The following BRD10 variants were observed in gnomAD, a reference collection of about 807,000 sequenced individuals.
BRD10 encodes the protein bromodomain containing 10, also known as uncharacterized bromodomain-containing protein 10.
At chr9:5,949,951 C>T in the BRD10 span, among the ~76,000 whole-genome samples, 2 of 151,976 alleles carry the variant, frequency 1.3e-5, no homozygotes, top group South Asian at 4.1e-4. Context: ...TTAACAAAGT[C>T]GTAAGTAAAT....
At chr9:5,916,673 C>A in the BRD10 span, among the ~76,000 whole-genome samples, 1 of 151,994 alleles carries the variant, frequency 6.6e-6, no homozygotes, top group Non-Finnish European at 1.5e-5. Flanking sequence ...AGTGCTAACA[C>A]ACCAGAAGGA....
chr9:5,920,635 C>T, the BRD10 span: 2 of 1,613,998 alleles, frequency 1.2e-6, no homozygotes, highest in Middle Eastern at 1.6e-4. Context: ...GTGAATGGAA[C>T]TGGAGTGAAG....
At chr9:5,955,448 C>T in the BRD10 span, among the ~76,000 whole-genome samples, 1 of 152,158 alleles carries the variant, frequency 6.6e-6, no homozygotes, top group South Asian at 2.1e-4. Flanking sequence ...AATCCTAATG[C>T]TCCTTTCCAA....
chr9:6,007,727 G>C, the BRD10 span: 18 of 1,600,708 alleles, frequency 1.1e-5, no homozygotes, highest in African/African-American at 1.5e-4. Flanking sequence ...TCGGCCGCCG[G>C]TGGCGGCCGC....
chr9:5,971,508 T>G, the BRD10 span, among the ~76,000 whole-genome samples: 1 of 152,180 alleles, frequency 6.6e-6, no homozygotes, highest in Non-Finnish European at 1.5e-5. Flanking sequence ...CAGATTGCAA[T>G]CCAGTAAGAT....
the BRD10 span, chr9:5,907,059 A>T: frequency 9.2e-7 from 1 of 1,091,560 alleles, no homozygotes; most frequent in Non-Finnish European, 1.3e-6. Context: ...TCAAGTGAAT[A>T]CAATTATTTC....
the BRD10 span, among the ~76,000 whole-genome samples, chr9:5,932,527 A>T: frequency 1.3e-5 from 2 of 152,310 alleles, no homozygotes; most frequent in East Asian, 1.9e-4. Context: ...TCACATTTAC[A>T]TTGTAGTAGA....
At chr9:5,966,011 A>C in the BRD10 span, among the ~76,000 whole-genome samples, 3 of 152,230 alleles carry the variant, frequency 2.0e-5, no homozygotes, top group South Asian at 2.1e-4. Context: ...ATGTTTACCC[A>C]GTATTAACTA....
At chr9:5,984,793 C>T in the BRD10 span, among the ~76,000 whole-genome samples, 2 of 151,886 alleles carry the variant, frequency 1.3e-5, no homozygotes, top group Non-Finnish European at 2.9e-5. Flanking sequence ...AATGTGCACA[C>T]TGAAAACTAC....
the BRD10 span, among the ~76,000 whole-genome samples, chr9:5,976,094 G>A: frequency 2.0e-5 from 3 of 152,132 alleles, no homozygotes; most frequent in Non-Finnish European, 2.9e-5. Context: ...AAAAGTTAAA[G>A]GTAGCTGATT....
the BRD10 span, among the ~76,000 whole-genome samples, chr9:5,955,571 T>C: frequency 1.3e-5 from 2 of 152,220 alleles, no homozygotes; most frequent in African/African-American, 4.8e-5. Context: ...CGCAGAACTG[T>C]AATTTATAAA....
chr9:5,982,637 C>G, the BRD10 span, among the ~76,000 whole-genome samples: 1 of 152,216 alleles, frequency 6.6e-6, no homozygotes, highest in Non-Finnish European at 1.5e-5. Context: ...GATGTACTCC[C>G]TGACCTTGGA....
chr9:5,897,466 G>C, the BRD10 span: 1 of 1,223,944 alleles, frequency 8.2e-7, no homozygotes, highest in South Asian at 1.2e-5. Context: ...GGTCGTCAAA[G>C]TCCATATGAA....
chr9:5,946,765 G>T, the BRD10 span, among the ~76,000 whole-genome samples: 1 of 151,916 alleles, frequency 6.6e-6, no homozygotes, highest in African/African-American at 2.4e-5. Flanking sequence ...CAAGGAATAG[G>T]GTATATTTTG....
At chr9:5,968,967 G>C in the BRD10 span, 1 of 1,610,230 alleles carries the variant, frequency 6.2e-7, no homozygotes, top group Non-Finnish European at 8.5e-7. Context: ...TGGTAAAAAG[G>C]TAGTTCGTGA....
the BRD10 span, among the ~76,000 whole-genome samples, chr9:6,001,483 T>C: frequency 6.6e-6 from 1 of 152,204 alleles, no homozygotes; most frequent in Non-Finnish European, 1.5e-5. Context: ...ACTGTTCCCC[T>C]AGACTACTCT....
the BRD10 span, among the ~76,000 whole-genome samples, chr9:5,960,490 A>T: frequency 2.6e-5 from 4 of 151,106 alleles, no homozygotes; most frequent in African/African-American, 9.7e-5. Flanking sequence ...TGAACCCAGG[A>T]GGTGGAGGTT....
At chr9:5,995,100 C>T in the BRD10 span, among the ~76,000 whole-genome samples, 2 of 152,086 alleles carry the variant, frequency 1.3e-5, no homozygotes, top group Non-Finnish European at 2.9e-5. Flanking sequence ...GGGGTTTCTC[C>T]ATGTTGGTCA....
chr9:5,994,912 T>C, the BRD10 span, among the ~76,000 whole-genome samples: 50 of 105,024 alleles, frequency 4.8e-4, no homozygotes, highest in African/African-American at 1.8e-3. Flanking sequence ...TTTTTTTTTT[T>C]TTTTGAGACA....
Sources: gnomAD v4.1 joint callset for allele counts (sites outside exome capture counted in the v4.1 genomes callset) on GRCh38, gnomAD v4.1.1 for gene constraint, MANE v1.5 for transcripts, NCBI Gene and HGNC (gene_info 2026-07-23, HGNC 2026-07-21) for gene names.